The following NLGN1 variants were observed in gnomAD, a reference collection of about 807,000 sequenced individuals.
NLGN1 encodes the protein neuroligin 1.
NLGN1 carries 12 observed loss-of-function variants against 65.5 expected under a neutral mutation model. The observed-to-expected ratio is 0.18, with a 90% CI of 0.12 to 0.30. The LOEUF (loss-of-function observed/expected upper bound fraction) is 0.30, where lower values mean the gene tolerates loss of function less well. Ranked by LOEUF, NLGN1 falls within the 10% of genes least tolerant of loss-of-function variation. The probability of loss-of-function intolerance (pLI) is 1.00; values close to 1 mark genes in which losing one functional copy is unlikely to be tolerated. For missense variants in NLGN1, 750 were observed against 1,007.1 expected (o/e 0.74, Z 3.46); for synonymous variants, 350 against 359.5 (o/e 0.97, Z 0.30).
intron 4 of NLGN1, among the ~76,000 whole-genome samples, chr3:174,124,598 T>TACACATATATACGTATATATACGTATAC: frequency 2.5e-5 from 2 of 80,156 alleles, no homozygotes; most frequent in African/African-American, 2.4e-4. Context: ...TATATACGTA[T>TACACATATATACGTATATATACGTATAC]ACATATATAC....
chr3:174,250,410 A>G (rs1308444143), intron 4 of NLGN1, among the ~76,000 whole-genome samples: 2 of 152,198 alleles, frequency 1.3e-5, no homozygotes, highest in African/African-American at 2.4e-5. Flanking sequence ...TTTGAATTGT[A>G]TTTATTTGAT....
intron 4 of NLGN1, among the ~76,000 whole-genome samples, chr3:173,814,889 A>C (rs1446963482): frequency 6.6e-6 from 1 of 152,236 alleles, no homozygotes; most frequent in East Asian, 1.9e-4. Context: ...TATAAATTCT[A>C]GAGAAATAGT....
chr3:174,064,143 AAAC>A (rs904131979), intron 4 of NLGN1, among the ~76,000 whole-genome samples: 5 of 152,074 alleles, frequency 3.3e-5, no homozygotes, highest in African/African-American at 7.2e-5. Context: ...ACTCTGTCTC[AAAC>A]AACAACAACA....
downstream of NLGN1, among the ~76,000 whole-genome samples, chr3:174,287,162 A>G (rs1752223663): frequency 6.6e-6 from 1 of 151,510 alleles, no homozygotes. Context: ...GTCACTGGAA[A>G]CAATTAAAAA....
At chr3:174,079,058 G>A (rs894229090) in intron 4 of NLGN1, among the ~76,000 whole-genome samples, 4 of 151,866 alleles carry the variant, frequency 2.6e-5, no homozygotes, top group African/African-American at 7.3e-5. Flanking sequence ...AGATTGCAAC[G>A]TTAGTGCATT....
In NLGN1 at chr3:174,254,306, A is replaced by ATTTT. The variant is rs371427726; in HGVS notation, c.647-20987_647-20984dup. On this transcript the variant is annotated intron_variant, in intron 4 of 6. Transcript: ENST00000457714. ...GATTTCTTAGGAAAAGTCCTTTTTAATTTTTTTTTTTTTTTTTTTTTTTTT... is the reference window on the plus strand; with the variant it reads ...GATTTCTTAGGAAAAGTCCTTTTTAATTTTTTTTTTTTTTTTTTTTTTTTTTTTT... 5.5e-3 allele frequency among the ~76,000 whole-genome samples: 620 copies of ATTTT among 113,704 alleles called. 10 individuals are homozygous for ATTTT. Among genetic ancestry groups the ATTTT allele is most frequent in the African/African-American group, 0.021 (583 of 28,272 alleles). 74.6% of individuals were successfully genotyped at this position (113,704 alleles called of 152,430 possible). A position where few individuals can be genotyped will look rare whatever the true frequency, so the allele number is the denominator to read the frequency against.
At chr3:174,115,793 G>T (rs909907971) in intron 4 of NLGN1, among the ~76,000 whole-genome samples, 13 of 152,102 alleles carry the variant, frequency 8.5e-5, no homozygotes, top group Admixed American at 2.6e-4. Flanking sequence ...AATTTTCTGG[G>T]TAGCCTCAAA....
chr3:173,975,418 C>T (rs1047872851), intron 4 of NLGN1, among the ~76,000 whole-genome samples: 2 of 151,924 alleles, frequency 1.3e-5, no homozygotes, highest in African/African-American at 2.4e-5. Context: ...ATTATTATAT[C>T]AGAAAAAGTT....
At chr3:173,631,788 A>G (rs11916259) in intron 3 of NLGN1, among the ~76,000 whole-genome samples, 30,408 of 152,018 alleles carry the variant, frequency 0.2, 3,548 homozygotes, top group African/African-American at 0.31. Flanking sequence ...ATTTCTGGTC[A>G]TTATTTTTCA....
chr3:173,518,125 A>C (rs746766648), intron 2 of NLGN1, among the ~76,000 whole-genome samples: 6 of 152,202 alleles, frequency 3.9e-5, no homozygotes, highest in Non-Finnish European at 7.4e-5. Context: ...TAGATCTTCA[A>C]CTGCCTTCAG....
intron 4 of NLGN1, among the ~76,000 whole-genome samples, chr3:174,169,957 C>G (rs755764672): frequency 6.6e-6 from 1 of 152,114 alleles, no homozygotes; most frequent in Non-Finnish European, 1.5e-5. Flanking sequence ...CTGGGTTGCT[C>G]GGATTCCCAG....
At chr3:173,886,619 A>C (rs2150955030) in intron 4 of NLGN1, among the ~76,000 whole-genome samples, 1 of 152,240 alleles carries the variant, frequency 6.6e-6, no homozygotes, top group Admixed American at 6.5e-5. Context: ...ATAGTTTAAA[A>C]GGAAAATTAA....
chr3:173,603,446 G>T (rs984852290), intron 2 of NLGN1, among the ~76,000 whole-genome samples: 1 of 53,132 alleles, frequency 1.9e-5, no homozygotes, highest in Non-Finnish European at 5.7e-5. Flanking sequence ...ATCTTCCTTT[G>T]ATCTCTAACA....
At position 174,047,693 on chromosome 3, in the gene NLGN1, A is replaced by C. The variant is rs143065216; in HGVS notation, c.647-227622A>C. Among the ~76,000 whole-genome samples the C allele has an allele frequency of 3.5e-4, 53 of 152,110 alleles. 1 individual carries two copies. In the East Asian group the frequency reaches 0.01, roughly 29 times the overall value. On this transcript the variant is annotated intron_variant, in intron 4 of 6. Transcript: ENST00000457714. ...AGTAAATATAAAAAACAGCCAGAAA[A>C]GACATGATGTGTTAGAAGTCTAGAG...
exon 7 of NLGN1, chr3:174,282,049 G>A (rs933532708): frequency 6.6e-6 from 1 of 152,188 alleles, no homozygotes; most frequent in African/African-American, 2.4e-5. Flanking sequence ...ATTTTAAGGG[G>A]CAAAAGTAAT....
chr3:173,732,466 C>A (rs548335200), intron 3 of NLGN1, among the ~76,000 whole-genome samples: 3 of 152,124 alleles, frequency 2.0e-5, no homozygotes, highest in Admixed American at 6.6e-5. Flanking sequence ...AAGTGCTGCA[C>A]ATAGCTGCTT....
intron 3 of NLGN1, among the ~76,000 whole-genome samples, chr3:173,803,349 G>T (rs564761837): frequency 6.6e-6 from 1 of 152,072 alleles, no homozygotes; most frequent in African/African-American, 2.4e-5. Flanking sequence ...GGGTGTGGTG[G>T]CTCCACACCC....
At chr3:173,588,540 T>C (rs544438975) in intron 2 of NLGN1, among the ~76,000 whole-genome samples, 2 of 152,334 alleles carry the variant, frequency 1.3e-5, no homozygotes, top group East Asian at 3.9e-4. Context: ...CAGGGAAAAC[T>C]AGTGAATCAT....
At chr3:174,081,226 A>G (rs1742130798) in intron 4 of NLGN1, among the ~76,000 whole-genome samples, 1 of 152,190 alleles carries the variant, frequency 6.6e-6, no homozygotes, top group African/African-American at 2.4e-5. Flanking sequence ...CACATATTAT[A>G]TTTATTTATG....
Sources: allele counts gnomAD v4.1 joint callset (sites outside exome capture counted in the v4.1 genomes callset), GRCh38; gene constraint gnomAD v4.1.1; transcripts MANE v1.5; gene names NCBI Gene and HGNC (gene_info 2026-07-23, HGNC 2026-07-21).